The following FMO2 variants were observed in gnomAD, a reference collection of about 807,000 sequenced individuals.
FMO2 encodes flavin-containing monooxygenase 2.
A neutral mutation model predicts 41.6 loss-of-function variants in FMO2; 33 were observed. The ratio of observed to expected loss-of-function variants is 0.79; its 90% CI spans 0.60 to 1.06. The LOEUF (loss-of-function observed/expected upper bound fraction) is 1.06. Ranked by LOEUF, FMO2 falls within the 50% of genes least tolerant of loss-of-function variation. FMO2 has a pLI of 0.00. For synonymous variants in FMO2, 214 were observed against 219.6 expected, an observed-to-expected ratio of 0.97 and a Z score of 0.23; for missense variants, 619 against 632.9, an observed-to-expected ratio of 0.98 and a Z score of 0.23.
At chr1:171,203,771 C>A in intron 5 of FMO2, 94 bp from the exon 6 acceptor site, 1 of 1,061,368 alleles carries the variant, frequency 9.4e-7, no homozygotes, top group Non-Finnish European at 1.4e-6. Context: ...TCTGTAAATT[C>A]TGGGGCTACA....
At chr1:171,193,256 G>A in intron 2 of FMO2, 79 bp from the exon 3 acceptor site, 1 of 843,960 alleles carries the variant, frequency 1.2e-6, no homozygotes, top group South Asian at 1.6e-5. Flanking sequence ...CATTACCCAG[G>A]GGTTAGATGT....
rs1658317771 is a variant in FMO2 at position 171,196,549 on chromosome 1, T to G, written c.322-100T>G. 42 of 1,048,970 alleles carry G rather than the reference T, an allele frequency of 4.0e-5. No individual in the cohort carries two copies. The South Asian group carries it at 6.2e-4, about 15-fold the overall frequency. The allele number at this position is 1,048,970 out of a possible 1,614,324, so 65.0% of individuals were successfully genotyped here. A position where few individuals can be genotyped will look rare whatever the true frequency, so the allele number is the denominator to read the frequency against. On this transcript the variant is annotated intron_variant, in intron 3 of 8. Coordinates refer to ENST00000209929, the MANE Select transcript of FMO2 (RefSeq NM_001460.5). ...ACCCTTAACAGATTAGTCCCACTGC[T>G]GAGTCAGGCCTCTTGCATGAAGCAG...
chr1:171,193,539 G>A lies in FMO2; in HGVS notation c.321+16G>A. The A allele has an allele frequency of 1.3e-6, 2 of 1,533,020 alleles. No individual in the cohort carries two copies. Among genetic ancestry groups the A allele is most frequent in the East Asian group, 2.3e-5 (1 of 44,362 alleles). The allele number at this position is 1,533,020 out of a possible 1,614,324, so 95.0% of individuals were successfully genotyped here. A position where few individuals can be genotyped will look rare whatever the true frequency, so the allele number is the denominator to read the frequency against. ...TCAGTTCCAGGTATTGTATTTTTGG[G>A]GAAATGGGTTTCTCTGCATTAGTTC... On this transcript the variant is annotated intron_variant, in intron 3 of 8. Transcript: ENST00000209929.
Position 171,199,351 on chromosome 1 carries a change from G to C in FMO2, c.490G>C (p.Glu164Gln), listed in dbSNP as rs1316641216. The change falls in exon 5 of 9, where the codon GAG becomes CAG. Residue 164 changes from glutamate to glutamine, a missense_variant. Physicochemically the swap from Glu to Gln is conservative, Grantham distance 29 (BLOSUM62 2). Coordinates refer to ENST00000209929, the MANE Select transcript of FMO2 (RefSeq NM_001460.5). The part of the protein sequence containing the change: ...HIPLKSFPGM[E>Q]RFKGQYFHSR... ...CTCTCTTCTTCCCCCTGAAGGTATGGAGAGGTTCAAAGGCCAATATTTCCA... is the reference window on the plus strand; with the variant it reads ...CTCTCTTCTTCCCCCTGAAGGTATGCAGAGGTTCAAAGGCCAATATTTCCA... 1.2e-6 allele frequency: 2 copies of C among 1,604,318 alleles called. No individual in the cohort carries two copies. Among genetic ancestry groups the C allele is most frequent in the Non-Finnish European group, 1.7e-6 (2 of 1,175,866 alleles).
intron 2 of FMO2, among the ~76,000 whole-genome samples, chr1:171,193,051 T>C (rs1658151010): frequency 6.6e-6 from 1 of 152,174 alleles, no homozygotes; most frequent in Non-Finnish European, 1.5e-5. Flanking sequence ...AGACCTAGGA[T>C]GCTAATATCT....
intron 7 of FMO2, among the ~76,000 whole-genome samples, chr1:171,207,233 T>A (rs1480276477): frequency 1.3e-5 from 2 of 152,194 alleles, no homozygotes; most frequent in Middle Eastern, 3.2e-3. Flanking sequence ...CTATCTCTAC[T>A]GCCCTACTCT....
chr1:171,197,986 T>C (rs1658369933), intron 4 of FMO2, among the ~76,000 whole-genome samples: 1 of 152,232 alleles, frequency 6.6e-6, no homozygotes, highest in South Asian at 2.1e-4. Context: ...TCAGATATTT[T>C]GTTAAAAACA....
chr1:171,191,177 C>T (rs892523515), intron 2 of FMO2, among the ~76,000 whole-genome samples: 1 of 151,864 alleles, frequency 6.6e-6, no homozygotes, highest in Non-Finnish European at 1.5e-5. Context: ...ACTTGATCTT[C>T]AGAAAAATAG....
intron 6 of FMO2, among the ~76,000 whole-genome samples, chr1:171,204,683 C>T (rs979683477): frequency 1.3e-5 from 2 of 151,908 alleles, no homozygotes; most frequent in African/African-American, 2.4e-5. Flanking sequence ...CACGTATCGT[C>T]TATTAAAAAA....
chr1:171,193,197 A>C (rs760609685), intron 2 of FMO2, 138 bp from the exon 3 acceptor site: 15 of 614,956 alleles, frequency 2.4e-5, no homozygotes, highest in Non-Finnish European at 4.3e-5. Flanking sequence ...CATAGACTGC[A>C]TTCATTACCT....
chr1:171,187,317 C>G (rs1373105415), intron 2 of FMO2, among the ~76,000 whole-genome samples: 1 of 152,128 alleles, frequency 6.6e-6, no homozygotes, highest in Non-Finnish European at 1.5e-5. Flanking sequence ...ACATGAAAAT[C>G]AAACTCATAT....
chr1:171,193,449 CA>C lies in FMO2; in HGVS notation c.248del (p.His83LeufsTer19), dbSNP rs1253605837. 1.9e-6 allele frequency: 3 copies of C among 1,611,440 alleles called. No individual in the cohort carries two copies. The highest frequency in any genetic ancestry group is 2.5e-6 in the Non-Finnish European group (3 of 1,177,984). On this transcript the variant is annotated frameshift_variant, in exon 3 of 9. Transcript: ENST00000209929. LOFTEE classifies it high-confidence loss of function. ...PMPEDFPNFL[H>X]NSKLLEYFRI... ...GCCTGAAGATTTTCCAAACTTCCTGCATAATTCTAAACTTCTGGAATATTTC... is the reference window on the plus strand; with the variant it reads ...GCCTGAAGATTTTCCAAACTTCCTGCTAATTCTAAACTTCTGGAATATTTC...
At chr1:171,197,204 G>A (rs1051875765) in intron 4 of FMO2, among the ~76,000 whole-genome samples, 6 of 152,144 alleles carry the variant, frequency 3.9e-5, no homozygotes, top group African/African-American at 1.4e-4. Context: ...GAAATGCTTT[G>A]CAAGTTAGTG....
chr1:171,198,394 G>C (rs116376297), intron 4 of FMO2, among the ~76,000 whole-genome samples: 2,458 of 150,960 alleles, frequency 0.016, 36 homozygotes, highest in Middle Eastern at 0.045. Context: ...AAATATTTAA[G>C]AGTATCTGAT....
rs1428674969 is a variant in FMO2, at chr1:171,211,695, C to G, written c.*2550C>G. Among the ~76,000 whole-genome samples the G allele has an allele frequency of 6.6e-6, 1 of 152,192 alleles. No individual in the cohort carries two copies. Among genetic ancestry groups the G allele is most frequent in the Non-Finnish European group, 1.5e-5 (1 of 68,032 alleles). On this transcript the variant is annotated 3_prime_UTR_variant, in exon 9 of 9. Coordinates refer to ENST00000209929, the MANE Select transcript of FMO2 (RefSeq NM_001460.5). ...GGTTAAAGAAGGCTCATCAGTCTATCCTTCTGCCTCCATATATCCTGAACA... is the reference window on the plus strand; with the variant it reads ...GGTTAAAGAAGGCTCATCAGTCTATGCTTCTGCCTCCATATATCCTGAACA...
chr1:171,198,418 T>TC (rs989535335), intron 4 of FMO2, among the ~76,000 whole-genome samples: 5 of 152,038 alleles, frequency 3.3e-5, no homozygotes, highest in Admixed American at 1.3e-4. Context: ...TGATTTTTTT[T>TC]TTTTTTTGAG....
chr1:171,201,037 T>C (rs563559646), intron 5 of FMO2, among the ~76,000 whole-genome samples: 6 of 152,332 alleles, frequency 3.9e-5, no homozygotes, highest in Non-Finnish European at 1.5e-5. Flanking sequence ...CAGTTCCTTG[T>C]ATGGGTCTTG....
intron 4 of FMO2, among the ~76,000 whole-genome samples, chr1:171,198,640 A>ATCCG (rs1658396218): frequency 6.6e-6 from 1 of 152,016 alleles, no homozygotes. Flanking sequence ...CAAATTCCTG[A>ATCCG]CCTCAGTTGA....
rs1261486896 is a variant in FMO2, at chr1:171,209,873, AT to A, written c.*730del. On this transcript the variant is annotated 3_prime_UTR_variant, in exon 9 of 9. Transcript: ENST00000209929. Reference sequence around the variant, plus strand: ...CATATCATATGTATTATTTCATTTAATTCTCACAACAATTCTGTGAAATGGT... The same window carrying A: ...CATATCATATGTATTATTTCATTTAATCTCACAACAATTCTGTGAAATGGT... The A allele has an allele frequency of 1.3e-5, 2 of 152,176 alleles. No individual in the cohort carries two copies. Among genetic ancestry groups the A allele is most frequent in the Non-Finnish European group, 2.9e-5 (2 of 68,032 alleles). 9.4% of individuals were successfully genotyped at this position (152,176 alleles called of 1,614,324 possible).
Sources: allele counts gnomAD v4.1 joint callset (sites outside exome capture counted in the v4.1 genomes callset), GRCh38; gene constraint gnomAD v4.1.1; transcripts MANE v1.5; gene names NCBI Gene and HGNC (gene_info 2026-07-23, HGNC 2026-07-21).